Variants in SAMD9 observed in about 807,000 individuals in gnomAD.
SAMD9 encodes sterile alpha motif domain-containing protein 9.
SAMD9 carries 3 observed loss-of-function variants against 1.5 expected under a neutral mutation model. That is an observed-to-expected ratio of 2.05 (90% CI 0.93 to 5.29). The LOEUF (loss-of-function observed/expected upper bound fraction) is 5.29, where lower values mean the gene tolerates loss of function less well. SAMD9 is among the 30% of genes most tolerant of loss of function. SAMD9 has a pLI of 0.02. For synonymous variants in SAMD9, 635 were observed against 631.9 expected, an observed-to-expected ratio of 1.00 and a Z score of -0.07; for missense variants, 1,597 against 1,820.8, an observed-to-expected ratio of 0.88 and a Z score of 2.24.
intron 2 of SAMD9, among the ~76,000 whole-genome samples, chr7:93,113,829 G>A (rs1791788016): frequency 6.6e-6 from 1 of 152,136 alleles, no homozygotes. Context: ...GGAAAAATAG[G>A]GACACTTTTA....
In SAMD9 at chr7:93,104,568, T is replaced by C. The variant is rs1387535692; in HGVS notation, c.1530A>G (p.Pro510=). The C allele has an allele frequency of 1.9e-6, 3 of 1,613,934 alleles. No homozygotes were observed. The Admixed American group carries it at 5.0e-5, about 27-fold the overall frequency. The change falls in exon 3 of 3, where the codon CCA becomes CCG. Residue 510 remains proline, a synonymous_variant. Coordinates refer to ENST00000379958, the MANE Select transcript of SAMD9 (RefSeq NM_017654.4). The part of the protein sequence containing the change: ...LDSEKYKPFD[P]SSWQRERASD... ...AAGCTCTTTCTCTTTGCCAGGAACT[T>C]GGATCAAAGGGTTTATATTTTTCAC...
intron 2 of SAMD9, among the ~76,000 whole-genome samples, chr7:93,112,813 C>A (rs972979129): frequency 2.6e-5 from 4 of 152,120 alleles, no homozygotes; most frequent in African/African-American, 9.7e-5. Context: ...AGGACACAAA[C>A]AAATGAGAGA....
chr7:93,112,726 C>T (rs1791767064), intron 2 of SAMD9, among the ~76,000 whole-genome samples: 2 of 152,022 alleles, frequency 1.3e-5, no homozygotes, highest in Non-Finnish European at 2.9e-5. Flanking sequence ...GAATAAAATA[C>T]CTAGGAATCC....
chr7:93,105,506 T>G lies in SAMD9; in HGVS notation c.592A>C (p.Lys198Gln). ...GNLIDPIHEF[K>Q]AFTNTATATE... ...GCTGTTGCTGTATTTGTGAAGGCTT[T>G]GAATTCATGTATCGGATCAATGAGA... Residue 198 changes from lysine to glutamine, a missense_variant, in exon 3 of 3, where the codon AAA becomes CAA. Lys to Gln is a moderately conservative substitution (Grantham distance 53). Transcript: ENST00000379958. The G allele has an allele frequency of 6.2e-7, 1 of 1,614,140 alleles. No individual in the cohort carries two copies. Among genetic ancestry groups the G allele is most frequent in the South Asian group, 1.1e-5 (1 of 91,078 alleles).
In SAMD9 at chr7:93,102,357, T is replaced by C. The variant is rs1398627129; in HGVS notation, c.3741A>G (p.Lys1247=). ...DIPGDPNNEY[K]LALKNYIPYL... is the part of the protein sequence containing the mutation. The stretch of plus-strand genomic sequence containing the variant: ...AAGGAATATAGTTTTTGAGGGCTAA[T>C]TTATATTCATTGTTTGGATCCCCTG... The change falls in exon 3 of 3, where the codon AAA becomes AAG. Residue 1247 remains lysine, a synonymous_variant. Transcript: ENST00000379958. 5.6e-6 allele frequency: 9 copies of C among 1,608,390 alleles called. No homozygotes were observed. Among genetic ancestry groups the C allele is most frequent in the East Asian group, 2.2e-5 (1 of 44,842 alleles).
chr7:93,107,447 T>G (rs1584256350), intron 2 of SAMD9, among the ~76,000 whole-genome samples: 1 of 152,302 alleles, frequency 6.6e-6, no homozygotes, highest in Middle Eastern at 3.4e-3. Context: ...TTAATGTCAA[T>G]CTAGGCTACA....
rs1791629048 is a variant in SAMD9, at chr7:93,105,747, T to A, written c.351A>T (p.Lys117Asn). ...RETSKQKQKG[K>N]ENPDMANPSA... The stretch of plus-strand genomic sequence containing the variant: ...ACGGATTAGCCATATCTGGGTTCTC[T>A]TTACCCTTTTGTTTTTGCTTTGAAG... The change falls in exon 3 of 3, where the codon AAA (lysine) becomes AAT (asparagine). Residue 117 changes from lysine (K) to asparagine (N), a missense_variant. By Grantham distance (94) the Lys-to-Asn change is moderately conservative. Transcript: ENST00000379958. 1 of 1,614,002 alleles carries A rather than the reference T, an allele frequency of 6.2e-7. No homozygotes were observed. Among genetic ancestry groups the A allele is most frequent in the Non-Finnish European group, 8.5e-7 (1 of 1,180,016 alleles).
At chr7:93,112,654 C>A (rs185509885) in intron 2 of SAMD9, among the ~76,000 whole-genome samples, 1 of 152,150 alleles carries the variant, frequency 6.6e-6, no homozygotes, top group African/African-American at 2.4e-5. Context: ...TCCTATACAA[C>A]AATAACAGAC....
chr7:93,117,328 G>A (rs1427224395), intron 1 of SAMD9, among the ~76,000 whole-genome samples: 1 of 151,940 alleles, frequency 6.6e-6, no homozygotes, highest in Non-Finnish European at 1.5e-5. Flanking sequence ...GCCTATGCTG[G>A]AGTGCAGTGG....
intron 2 of SAMD9, among the ~76,000 whole-genome samples, chr7:93,108,161 T>C (rs537130644): frequency 1.3e-5 from 2 of 152,248 alleles, no homozygotes; most frequent in African/African-American, 2.4e-5. Context: ...TGCCTCGCCA[T>C]GCGCCTGTGT....
At chr7:93,109,970 C>T (rs1320524784) in intron 2 of SAMD9, among the ~76,000 whole-genome samples, 1 of 152,152 alleles carries the variant, frequency 6.6e-6, no homozygotes, top group Non-Finnish European at 1.5e-5. Flanking sequence ...CACAAAGATA[C>T]TCCTCGGGGA....
At position 93,114,535 on chromosome 7, in the gene SAMD9, TAAG is replaced by T. The variant is rs553176767; in HGVS notation, c.-9+257_-9+259del. 2.1e-4 allele frequency among the ~76,000 whole-genome samples: 32 copies of T among 151,540 alleles called. No individual in the cohort carries two copies. In the South Asian group the frequency reaches 6.5e-3, roughly 31 times the overall value. On this transcript the variant is annotated intron_variant, in intron 2 of 2. Transcript: ENST00000379958. The stretch of plus-strand genomic sequence containing the variant: ...GAAGAATAACAGAATAAAACTGAAA[TAAG>T]AAGAATGAGAAAAATAAAGATAAGA...
At position 93,100,667 on chromosome 7, in the gene SAMD9, A is replaced by G. The variant is rs1167441293; in HGVS notation, c.*661T>C. 1 of 150,524 alleles carries G rather than the reference A, an allele frequency of 6.6e-6. No homozygotes were observed. Among genetic ancestry groups the G allele is most frequent in the Non-Finnish European group, 1.5e-5 (1 of 67,610 alleles). 9.3% of individuals were successfully genotyped at this position (150,524 alleles called of 1,614,324 possible). ...TTGAGTGTCTGTATGTTTTTTTTTTAATTGTTTGTTTGGAGGGGAGTTGAT... is the reference window on the plus strand; with the variant it reads ...TTGAGTGTCTGTATGTTTTTTTTTTGATTGTTTGTTTGGAGGGGAGTTGAT... On this transcript the variant is annotated 3_prime_UTR_variant, in exon 3 of 3. Transcript: ENST00000379958.
chr7:93,110,817 A>G (rs1486941878), intron 2 of SAMD9, among the ~76,000 whole-genome samples: 1 of 152,184 alleles, frequency 6.6e-6, no homozygotes. Flanking sequence ...AAGTCCTTAG[A>G]GACCTACAAA....
rs1432708965 is a variant in SAMD9 at position 93,104,878 on chromosome 7, T to C, written c.1220A>G (p.Asn407Ser). The change falls in exon 3 of 3, where the codon AAT (asparagine) becomes AGT (serine). Residue 407 changes from asparagine (N) to serine (S), a missense_variant. Physicochemically the swap from Asn to Ser is conservative, Grantham distance 46 (BLOSUM62 1). Coordinates refer to ENST00000379958, the MANE Select transcript of SAMD9 (RefSeq NM_017654.4). Reference protein sequence around the residue: ...LLTGNQDLLDNSYYEQYILVT... With the variant: ...LLTGNQDLLDSSYYEQYILVT... Reference sequence around the variant, plus strand: ...AAGAATGTACTGTTCATAGTATGAATTATCTAACAAATCTTGATTTCCTGT... The same window carrying C: ...AAGAATGTACTGTTCATAGTATGAACTATCTAACAAATCTTGATTTCCTGT... 4 of 1,613,176 alleles carry C rather than the reference T, an allele frequency of 2.5e-6. No homozygotes were observed. In the Admixed American group the frequency reaches 5.0e-5, roughly 20 times the overall value.
chr7:93,101,299 C>A lies in SAMD9; in HGVS notation c.*29G>T. ...AAAAAAATTAAATGGGTACTGAGAT[C>A]AAATTCTTGGAGGAAGAATATCAGG... On this transcript the variant is annotated 3_prime_UTR_variant, in exon 3 of 3. Coordinates refer to ENST00000379958, the MANE Select transcript of SAMD9 (RefSeq NM_017654.4). 6.3e-7 allele frequency: 1 copy of A among 1,584,692 alleles called. No homozygotes were observed. The highest frequency in any genetic ancestry group is 1.1e-5 in the South Asian group (1 of 90,570).
At chr7:93,113,638 A>T (rs981541526) in intron 2 of SAMD9, among the ~76,000 whole-genome samples, 1 of 152,148 alleles carries the variant, frequency 6.6e-6, no homozygotes, top group African/African-American at 2.4e-5. Context: ...AAGTGGGCAA[A>T]AGATGAACAG....
At chr7:93,108,527 G>A (rs149161293) in intron 2 of SAMD9, among the ~76,000 whole-genome samples, 1 of 152,112 alleles carries the variant, frequency 6.6e-6, no homozygotes, top group Non-Finnish European at 1.5e-5. Flanking sequence ...GAAGCTCAAG[G>A]GGTCGGAGAA....
Position 93,102,100 on chromosome 7 carries a change from CTGCA to C in SAMD9, c.3994_3997del (p.Cys1332GlyfsTer4). 2.5e-6 allele frequency: 4 copies of C among 1,613,318 alleles called. No individual in the cohort carries two copies. Among genetic ancestry groups the C allele is most frequent in the Non-Finnish European group, 3.4e-6 (4 of 1,179,772 alleles). On this transcript the variant is annotated frameshift_variant, in exon 3 of 3. Coordinates refer to ENST00000379958, the MANE Select transcript of SAMD9 (RefSeq NM_017654.4). LOFTEE classifies it low-confidence loss of function (END_TRUNC). ...TGCTTTTAAAGCTACTAGGTTTCTCCTGCATCTCTCTACTTGAAGTGGCTCACTG... is the reference window on the plus strand; with the variant it reads ...TGCTTTTAAAGCTACTAGGTTTCTCCTCTCTCTACTTGAAGTGGCTCACTG...
Sources: gnomAD v4.1 joint callset for allele counts (sites outside exome capture counted in the v4.1 genomes callset) on GRCh38, gnomAD v4.1.1 for gene constraint, MANE v1.5 for transcripts, NCBI Gene and HGNC (gene_info 2026-07-23, HGNC 2026-07-21) for gene names.